The following IFT172 variants were observed in gnomAD, a reference collection of about 807,000 sequenced individuals.
The protein encoded by IFT172 is intraflagellar transport protein 172 homolog.
In IFT172, 164 loss-of-function variants were observed where a neutral mutation model predicts 248.9. The observed-to-expected ratio is 0.66, with a 90% CI of 0.58 to 0.75. The LOEUF is 0.75. Among genes scored for constraint, IFT172 ranks in the 30% least tolerant of loss-of-function variants. The pLI is 0.00. For missense variants in IFT172, 1,950 were observed against 2,192.4 expected (o/e 0.89, Z 2.21); for synonymous variants, 729 against 791.6 (o/e 0.92, Z 1.33).
Position 27,475,045 on chromosome 2 carries a change from CT to C in IFT172, c.1411+1595del, listed in dbSNP as rs534648368. ...TTCAAATCAATGAGGAAGAGACACT[CT>C]GATTTTAAAAATGGGTAAGAGATAG... is the stretch of plus-strand genomic sequence containing the variant. On this transcript the variant is annotated intron_variant, in intron 14 of 47. Coordinates refer to ENST00000260570, the MANE Select transcript of IFT172 (RefSeq NM_015662.3). Among the ~76,000 whole-genome samples, 68 of 152,024 alleles carry C rather than the reference CT, an allele frequency of 4.5e-4. No individual in the cohort carries two copies. The East Asian group carries it at 0.012, about 27-fold the overall frequency.
At chr2:27,464,405 TA>T (rs1449680426) in intron 18 of IFT172, among the ~76,000 whole-genome samples, 2 of 152,178 alleles carry the variant, frequency 1.3e-5, no homozygotes, top group African/African-American at 4.8e-5. Flanking sequence ...GAAGGTCAAA[TA>T]ACCTCTCTAT....
chr2:27,453,163 C>A, intron 35 of IFT172: 1 of 696,938 alleles, frequency 1.4e-6, no homozygotes. Context: ...ATTTATTGGT[C>A]TAATTCCCCT....
chr2:27,468,934 GAAC>G (rs1558393984), intron 16 of IFT172, among the ~76,000 whole-genome samples: 3 of 150,242 alleles, frequency 2.0e-5, no homozygotes, highest in African/African-American at 7.3e-5. Context: ...AAATTTTTCC[GAAC>G]AACAATGGAA....
chr2:27,473,472 G>A (rs1267729703), intron 14 of IFT172, among the ~76,000 whole-genome samples: 3 of 148,980 alleles, frequency 2.0e-5, no homozygotes, highest in African/African-American at 7.4e-5. Flanking sequence ...CACCACGACC[G>A]GCTAATTTTT....
rs1322612734 is a variant in IFT172 at position 27,445,735 on chromosome 2, G to T, written c.4914+10C>A. 3 of 1,613,916 alleles carry T rather than the reference G, an allele frequency of 1.9e-6. No homozygotes were observed. Among genetic ancestry groups the T allele is most frequent in the Admixed American group, 3.3e-5 (2 of 60,000 alleles). On this transcript the variant is annotated intron_variant, in intron 45 of 47. Transcript: ENST00000260570. The surrounding 1 kb of genome is among the most constrained non-coding windows in gnomAD (Gnocchi z 4.4). ...TGAGGCCTTCCGGTTTTCCAACCCT[G>T]TGCCCTTACCGGTACATGCTGCTTA...
chr2:27,483,528 A>G (rs1668535193), intron 6 of IFT172, 52 bp downstream of exon 6: 1 of 1,585,892 alleles, frequency 6.3e-7, no homozygotes, highest in South Asian at 1.1e-5. Flanking sequence ...ACTTCCCCAC[A>G]GCATTTTCCT....
At chr2:27,452,172 ATCAT>A (rs1055258641) in intron 35 of IFT172, among the ~76,000 whole-genome samples, 2 of 152,292 alleles carry the variant, frequency 1.3e-5, no homozygotes, top group African/African-American at 4.8e-5. Context: ...ACCTCATCCA[ATCAT>A]TTCAAGGCAT....
At chr2:27,489,571 G>C (rs768636064) in intron 1 of IFT172, 44 bp downstream of exon 1, 5 of 1,512,164 alleles carry the variant, frequency 3.3e-6, no homozygotes, top group Non-Finnish European at 4.6e-6. Context: ...ACTTTTCTTG[G>C]AACATAAAGC....
intron 7 of IFT172, 41 bp downstream of exon 7, chr2:27,483,247 AC>A (rs1320031944): frequency 2.6e-6 from 3 of 1,136,238 alleles, no homozygotes; most frequent in Non-Finnish European, 4.0e-6. Flanking sequence ...AAACTCCTGG[AC>A]TCAAGCAATC....
intron 4 of IFT172, 105 bp downstream of exon 4, chr2:27,484,122 G>T: frequency 6.6e-7 from 1 of 1,506,732 alleles, no homozygotes; most frequent in Non-Finnish European, 9.2e-7. Context: ...AGTAGGAAAA[G>T]TCACATTCAG....
rs776374495 is a variant in IFT172, at chr2:27,461,811, ATGC to A, written c.2138_2140del (p.Gly713_Met714delinsVal). Reference sequence around the variant, plus strand: ...ATCCCAACGGTGTAGCTCCTGGTACATGCCCATGGCCTCCTCCACAGCATTCTA... The same window carrying A: ...ATCCCAACGGTGTAGCTCCTGGTACACCATGGCCTCCTCCACAGCATTCTA... On this transcript the variant is annotated inframe_deletion, in exon 21 of 48. Coordinates refer to ENST00000260570, the MANE Select transcript of IFT172 (RefSeq NM_015662.3). 1 of 1,614,100 alleles carries A rather than the reference ATGC, an allele frequency of 6.2e-7. No homozygotes were observed. The highest frequency in any genetic ancestry group is 8.5e-7 in the Non-Finnish European group (1 of 1,180,054).
At chr2:27,486,737 A>G (rs951650604) in intron 1 of IFT172, among the ~76,000 whole-genome samples, 2 of 152,194 alleles carry the variant, frequency 1.3e-5, no homozygotes, top group African/African-American at 4.8e-5. Flanking sequence ...GCTTTGCCCA[A>G]TTCTGGGCAT....
At chr2:27,485,315 C>A in intron 2 of IFT172, 45 bp downstream of exon 2, 1 of 1,610,934 alleles carries the variant, frequency 6.2e-7, no homozygotes, top group Non-Finnish European at 8.5e-7. Context: ...AGTTGTGAGA[C>A]CCCATCAATA....
At position 27,449,803 on chromosome 2, in the gene IFT172, GCA is replaced by G. The variant is rs753774217; in HGVS notation, c.4051-5_4051-4del. ...AGATTCAGATAGAGCTCTGCAGCCT[GCA>G]CAGTGGGAAATCAGCGTGGAGACTT... On this transcript the variant is annotated splice_polypyrimidine_tract_variant and splice_region_variant and intron_variant, in intron 36 of 47. Coordinates refer to ENST00000260570, the MANE Select transcript of IFT172 (RefSeq NM_015662.3). 6.2e-7 allele frequency: 1 copy of G among 1,601,686 alleles called. No individual in the cohort carries two copies. Among genetic ancestry groups the G allele is most frequent in the African/African-American group, 1.3e-5 (1 of 74,466 alleles).
chr2:27,462,799 G>T lies in IFT172; in HGVS notation c.2023-6C>A. On this transcript the variant is annotated splice_polypyrimidine_tract_variant and splice_region_variant and intron_variant, in intron 19 of 47. Coordinates refer to ENST00000260570, the MANE Select transcript of IFT172 (RefSeq NM_015662.3). ...AAGTCTGTTCCTTCTCCGCCCTGTG[G>T]GGGAAAAAGGAGGTTCTGATTTTTC... 1 of 1,613,756 alleles carries T rather than the reference G, an allele frequency of 6.2e-7. No homozygotes were observed. The highest frequency in any genetic ancestry group is 2.2e-5 in the East Asian group (1 of 44,888).
In IFT172 at chr2:27,461,841, G is replaced by A. The variant is rs754154643; in HGVS notation, c.2116-5C>T. On this transcript the variant is annotated splice_region_variant and splice_polypyrimidine_tract_variant and intron_variant, in intron 20 of 47. Coordinates refer to ENST00000260570, the MANE Select transcript of IFT172 (RefSeq NM_015662.3). ...CATGGCCTCCTCCACAGCATTCTAG[G>A]GGAAACAGGCAGAGCAGAGAGGGAC... 31 of 1,613,988 alleles carry A rather than the reference G, an allele frequency of 1.9e-5. No homozygotes were observed. In the Middle Eastern group the frequency reaches 6.6e-4, roughly 34 times the overall value.
In IFT172 at chr2:27,479,561, C is replaced by T. The variant is rs779572697; in HGVS notation, c.953G>A (p.Arg318Gln). Residue 318 changes from arginine to glutamine, a missense_variant, in exon 10 of 48, where the codon CGA (arginine) becomes CAA (glutamine). Physicochemically the swap from Arg to Gln is conservative, Grantham distance 43. Around this residue, in one of 3 missense-constraint regions of IFT172, gnomAD observed 1,166 missense variants for 1,254.1 expected, o/e 0.93. Transcript: ENST00000260570. ...GGVEQFDCCL[R>Q]RSIYKNKFEL... Reference sequence around the variant, plus strand: ...AAACTTGTTCTTGTAAATACTCCTTCGGAGGCAGCAGTCAAACTGTTCCAC... The same window carrying T: ...AAACTTGTTCTTGTAAATACTCCTTTGGAGGCAGCAGTCAAACTGTTCCAC... The T allele has an allele frequency of 9.3e-6, 15 of 1,613,464 alleles. No homozygotes were observed. Among genetic ancestry groups the T allele is most frequent in the African/African-American group, 8.0e-5 (6 of 74,916 alleles).
At chr2:27,480,175 A>G in intron 8 of IFT172, 26 bp from the exon 9 acceptor site, 2 of 1,608,924 alleles carry the variant, frequency 1.2e-6, no homozygotes, top group Non-Finnish European at 1.7e-6. Context: ...TGGCTTTTAG[A>G]AGAGATTGAG....
chr2:27,466,160 C>T (rs920810885), intron 16 of IFT172: 2 of 390,962 alleles, frequency 5.1e-6, no homozygotes, highest in African/African-American at 4.1e-5. Context: ...GTAAGATATT[C>T]TTAAGGGATC....
Sources: gnomAD v4.1 joint callset for allele counts (sites outside exome capture counted in the v4.1 genomes callset) on GRCh38, gnomAD v4.1.1 for gene constraint, gnomAD v4.1.1 regional missense constraint, Gnocchi (gnomAD v3.1) non-coding constraint, MANE v1.5 for transcripts, NCBI Gene and HGNC (gene_info 2026-07-23, HGNC 2026-07-21) for gene names.